Variants in AK2 observed in about 807,000 individuals in gnomAD.
AK2 encodes the protein adenylate kinase 2.
In AK2, 15 loss-of-function variants were observed where a neutral mutation model predicts 24.6. The ratio of observed to expected loss-of-function variants is 0.61; its 90% CI spans 0.41 to 0.94. AK2 has a LOEUF of 0.94. AK2 is among the 40% of genes least tolerant of loss of function. AK2 has a pLI of 0.00. For synonymous variants in AK2, 102 were observed against 114.0 expected, an observed-to-expected ratio of 0.90 and a Z score of 0.67; for missense variants, 257 against 304.1, an observed-to-expected ratio of 0.85 and a Z score of 1.15.
Position 33,022,546 on chromosome 1 carries a change from G to A in AK2, c.220-843C>T, listed in dbSNP as rs540792675. 1.7e-3 allele frequency among the ~76,000 whole-genome samples: 255 copies of A among 151,762 alleles called. 1 individual carries two copies. The highest frequency in any genetic ancestry group is 3.0e-3 in the Non-Finnish European group (201 of 67,890). ...AATTTTTTGTATTTTTAATAGAGAC[G>A]GGGTTTCACCATGTTGGCCAGGCTG... On this transcript the variant is annotated intron_variant, in intron 2 of 5. Coordinates refer to ENST00000672715, the MANE Select transcript of AK2 (RefSeq NM_001625.4).
At chr1:33,025,188 C>CAAA (rs386366656) in intron 1 of AK2, among the ~76,000 whole-genome samples, 16,813 of 67,826 alleles carry the variant, frequency 0.25, 1,648 homozygotes, top group Admixed American at 0.32. Context: ...GACTTCGTCT[C>CAAA]AAAAAAAAAA....
chr1:33,014,380 T>A, intron 5 of AK2, 142 bp downstream of exon 5: 1 of 697,458 alleles, frequency 1.4e-6, no homozygotes, highest in Non-Finnish European at 2.6e-6. Context: ...GCCATGTGAT[T>A]TACTTGATAG....
At chr1:33,020,218 C>CACACAT in intron 4 of AK2, 1 of 1,241,288 alleles carries the variant, frequency 8.1e-7, no homozygotes, top group African/African-American at 1.5e-5. Flanking sequence ...CACACACACA[C>CACACAT]ACACACACAC....
intron 1 of AK2, among the ~76,000 whole-genome samples, chr1:33,028,072 C>T (rs956383607): frequency 1.3e-5 from 2 of 152,192 alleles, no homozygotes; most frequent in African/African-American, 4.8e-5. Flanking sequence ...CTTCCATGGT[C>T]TTTCTTCTTT....
rs767237080 is a variant in AK2, at chr1:33,012,977, T to C, written c.*204A>G. On this transcript the variant is annotated 3_prime_UTR_variant, in exon 6 of 6. Transcript: ENST00000672715. ...TACAAAGTAGCAGAGTGAACACATATGTGCATGCACACACACACACACACA... is the reference window on the plus strand; with the variant it reads ...TACAAAGTAGCAGAGTGAACACATACGTGCATGCACACACACACACACACA... 1.0e-5 allele frequency: 16 copies of C among 1,576,698 alleles called. No homozygotes were observed. The highest frequency in any genetic ancestry group is 3.4e-5 in the South Asian group (3 of 89,444).
chr1:33,029,948 C>T (rs1640135233), intron 1 of AK2, among the ~76,000 whole-genome samples: 1 of 152,204 alleles, frequency 6.6e-6, no homozygotes, highest in South Asian at 2.1e-4. Flanking sequence ...TACCTACCCT[C>T]CAAAACATAC....
At chr1:33,023,298 C>A (rs1260710246) in intron 2 of AK2, among the ~76,000 whole-genome samples, 1 of 152,142 alleles carries the variant, frequency 6.6e-6, no homozygotes, top group Non-Finnish European at 1.5e-5. Context: ...CATGGCAGCT[C>A]ACACCTGTAA....
chr1:33,031,687 G>C, intron 1 of AK2: 1 of 455,914 alleles, frequency 2.2e-6, no homozygotes, highest in Non-Finnish European at 4.4e-6. Flanking sequence ...TAAGAGTGTG[G>C]GTCTCAGAGA....
Position 33,008,772 on chromosome 1 carries a change from A to C in AK2, c.*4409T>G. ...CGAGGGTTACATGAAGCCTTTGCAT[A>C]ATACCTGGCACAACGTCAGTCTTCC... On this transcript the variant is annotated 3_prime_UTR_variant, in exon 6 of 6. Coordinates refer to ENST00000672715, the MANE Select transcript of AK2 (RefSeq NM_001625.4). The C allele has an allele frequency of 2.2e-6, 1 of 454,116 alleles. No individual in the cohort carries two copies. Among genetic ancestry groups the C allele is most frequent in the South Asian group, 1.6e-5 (1 of 64,476 alleles). 28.1% of individuals were successfully genotyped at this position (454,116 alleles called of 1,614,324 possible).
chr1:33,012,475 A>T lies in AK2; in HGVS notation c.*706T>A. 1 of 1,408,414 alleles carries T rather than the reference A, an allele frequency of 7.1e-7. No individual in the cohort carries two copies. The highest frequency in any genetic ancestry group is 1.2e-5 in the South Asian group (1 of 82,034). The allele number at this position is 1,408,414 out of a possible 1,614,324, so 87.2% of individuals were successfully genotyped here. A position where few individuals can be genotyped will look rare whatever the true frequency, so the allele number is the denominator to read the frequency against. ...CTGTGACCCTGCCTGACTTCACATG[A>T]TCCTGGACTTCTAATCAGCTGCTGG... On this transcript the variant is annotated 3_prime_UTR_variant, in exon 6 of 6. Coordinates refer to ENST00000672715, the MANE Select transcript of AK2 (RefSeq NM_001625.4).
rs1438747818 is a variant in AK2, at chr1:33,021,358, G to A, written c.425+9C>T. 6.2e-7 allele frequency: 1 copy of A among 1,612,618 alleles called. No individual in the cohort carries two copies. The highest frequency in any genetic ancestry group is 2.2e-5 in the East Asian group (1 of 44,874). ...GAAGCATGAAAAGGGACCTTCAAGG[G>A]ACAAATACCTTCCTGTGATTCTTCG... is the stretch of plus-strand genomic sequence containing the variant. On this transcript the variant is annotated intron_variant, in intron 4 of 5. Transcript: ENST00000672715.
At chr1:33,019,782 G>A in intron 4 of AK2, 2 of 1,067,640 alleles carry the variant, frequency 1.9e-6, no homozygotes, top group Non-Finnish European at 2.3e-6. Flanking sequence ...CATTATGATG[G>A]CCATAGTATC....
rs1446538577 is a variant in AK2 at position 33,009,969 on chromosome 1, T to C, written c.*3212A>G. 6.6e-6 allele frequency: 3 copies of C among 454,482 alleles called. No homozygotes were observed. The highest frequency in any genetic ancestry group is 6.0e-5 in the African/African-American group (3 of 50,016). The allele number at this position is 454,482 out of a possible 1,614,324, so 28.2% of individuals were successfully genotyped here. ...ATTTAGGGGCCAAACAAGGCAGCATTTGGTCAGTTAAGAAAGGCACCTCAT... is the reference window on the plus strand; with the variant it reads ...ATTTAGGGGCCAAACAAGGCAGCATCTGGTCAGTTAAGAAAGGCACCTCAT... On this transcript the variant is annotated 3_prime_UTR_variant, in exon 6 of 6. Coordinates refer to ENST00000672715, the MANE Select transcript of AK2 (RefSeq NM_001625.4).
At position 33,008,357 on chromosome 1, in the gene AK2, C is replaced by T. The variant is rs768632108; in HGVS notation, c.*4824G>A. 45 of 453,962 alleles carry T rather than the reference C, an allele frequency of 9.9e-5. 1 individual carries two copies. The highest frequency in any genetic ancestry group is 6.7e-4 in the South Asian group (43 of 64,480). 28.1% of individuals were successfully genotyped at this position (453,962 alleles called of 1,614,324 possible). On this transcript the variant is annotated 3_prime_UTR_variant, in exon 6 of 6. Coordinates refer to ENST00000672715, the MANE Select transcript of AK2 (RefSeq NM_001625.4). Reference sequence around the variant, plus strand: ...TGCTCTGTCTTCATCTGAGGAAAGACTTGTGAGGCTTCTGAGGAGGCTGCT... The same window carrying T: ...TGCTCTGTCTTCATCTGAGGAAAGATTTGTGAGGCTTCTGAGGAGGCTGCT...
intron 1 of AK2, among the ~76,000 whole-genome samples, chr1:33,026,193 T>A (rs751387071): frequency 1.1e-4 from 17 of 152,132 alleles, no homozygotes; most frequent in Non-Finnish European, 2.4e-4. Flanking sequence ...GAGTTTTCTT[T>A]TCTTTCTTTC....
Position 33,008,651 on chromosome 1 carries a change from G to C in AK2, c.*4530C>G, listed in dbSNP as rs1269849041. On this transcript the variant is annotated 3_prime_UTR_variant, in exon 6 of 6. Transcript: ENST00000672715. ...GACTGCCTCTTATGCATGACCTCAG[G>C]AATGCCACTTCACCTCTCTGAGTCT... The C allele has an allele frequency of 1.1e-5, 5 of 453,982 alleles. No individual in the cohort carries two copies. Among genetic ancestry groups the C allele is most frequent in the Non-Finnish European group, 2.2e-5 (5 of 226,800 alleles). The allele number at this position is 453,982 out of a possible 1,614,324, so 28.1% of individuals were successfully genotyped here.
chr1:33,012,834 G>C lies in AK2; in HGVS notation c.*347C>G, dbSNP rs1051102611. On this transcript the variant is annotated 3_prime_UTR_variant, in exon 6 of 6. Transcript: ENST00000672715. ...ATTGCTTGAGCCCCAGGAGGCAGAG[G>C]TTGCCGTGAGCCAAGATCACGCCAC... 18 of 1,237,526 alleles carry C rather than the reference G, an allele frequency of 1.5e-5. No individual in the cohort carries two copies. Among genetic ancestry groups the C allele is most frequent in the Non-Finnish European group, 1.9e-5 (18 of 940,366 alleles). 76.7% of individuals were successfully genotyped at this position (1,237,526 alleles called of 1,614,324 possible).
chr1:33,023,206 T>C (rs1001393105), intron 2 of AK2, among the ~76,000 whole-genome samples: 1 of 152,170 alleles, frequency 6.6e-6, no homozygotes, highest in Admixed American at 6.5e-5. Flanking sequence ...AATCTAGCAA[T>C]CTTTGATTAG....
At chr1:33,025,454 G>C (rs1185159227) in intron 1 of AK2, among the ~76,000 whole-genome samples, 2 of 152,114 alleles carry the variant, frequency 1.3e-5, no homozygotes, top group African/African-American at 4.8e-5. Context: ...TACTATGGTG[G>C]CCACCTCACT....
Sources: gnomAD v4.1 joint callset for allele counts (sites outside exome capture counted in the v4.1 genomes callset) on GRCh38, gnomAD v4.1.1 for gene constraint, MANE v1.5 for transcripts, NCBI Gene and HGNC (gene_info 2026-07-23, HGNC 2026-07-21) for gene names.